The following C10orf67 variants were observed in gnomAD, a reference collection of about 807,000 sequenced individuals.
C10orf67 encodes the protein chromosome 10 open reading frame 67.
In C10orf67, 60 loss-of-function variants were observed where a neutral mutation model predicts 35.6. The observed-to-expected ratio is 1.68, with a 90% CI of 1.37 to 2.09. The LOEUF (loss-of-function observed/expected upper bound fraction) is 2.09. Among genes scored for constraint, C10orf67 ranks in the 30% most tolerant of loss-of-function variants. The probability of loss-of-function intolerance (pLI) is 0.00; values close to 1 mark genes in which losing one functional copy is unlikely to be tolerated. For missense variants in C10orf67, 474 were observed against 330.2 expected (o/e 1.44, Z -3.38); for synonymous variants, 167 against 115.8 (o/e 1.44, Z -2.84).
intron 10 of C10orf67, among the ~76,000 whole-genome samples, chr10:23,257,693 C>T (rs1842639390): frequency 6.6e-6 from 1 of 152,068 alleles, no homozygotes; most frequent in Non-Finnish European, 1.5e-5. Flanking sequence ...GTCTCAGCTG[C>T]TTGGGAGGCT....
intron 8 of C10orf67, among the ~76,000 whole-genome samples, chr10:23,268,323 G>T (rs557455482): frequency 4.7e-4 from 72 of 152,174 alleles, no homozygotes; most frequent in African/African-American, 1.7e-3. Context: ...TAATTTCTAG[G>T]TATAAAAGGT....
chr10:23,223,558 T>C, intron 15 of C10orf67, 40 bp downstream of exon 15: 1 of 716,880 alleles, frequency 1.4e-6, no homozygotes, highest in Non-Finnish European at 2.6e-6. Context: ...TAAGTAGCCA[T>C]TCTGGTGTGA....
intron 13 of C10orf67, among the ~76,000 whole-genome samples, chr10:23,227,235 C>G (rs2132114338): frequency 6.6e-6 from 1 of 152,150 alleles, no homozygotes; most frequent in East Asian, 1.9e-4. Flanking sequence ...AAAGCTTATC[C>G]AACATGATCA....
chr10:23,258,733 T>C (rs1375368033), intron 10 of C10orf67, among the ~76,000 whole-genome samples: 1 of 152,196 alleles, frequency 6.6e-6, no homozygotes, highest in East Asian at 1.9e-4. Context: ...TCGGACATGG[T>C]CTATTTTTCA....
chr10:23,273,407 A>C (rs927197496), intron 8 of C10orf67, among the ~76,000 whole-genome samples: 4 of 152,206 alleles, frequency 2.6e-5, no homozygotes, highest in Admixed American at 1.3e-4. Flanking sequence ...GGAGTCCCTC[A>C]AATGCTTTTT....
rs1469804434 is a variant in C10orf67 at position 23,288,147 on chromosome 10, T to C, written c.909+1753A>G. On this transcript the variant is annotated intron_variant, in intron 7 of 15. Transcript: ENST00000636213. ...TATACTCAAAGGAATGTAAATCATT[T>C]TACTATAAAGAGACATGCACACATA... Among the ~76,000 whole-genome samples the C allele has an allele frequency of 2.0e-5, 3 of 152,170 alleles. No homozygotes were observed. The East Asian group carries it at 5.8e-4, about 29-fold the overall frequency.
intron 7 of C10orf67, among the ~76,000 whole-genome samples, chr10:23,284,505 A>T (rs1429747843): frequency 6.6e-6 from 1 of 151,174 alleles, no homozygotes; most frequent in Admixed American, 6.6e-5. Flanking sequence ...CAACATAGTG[A>T]GAGACCATCT....
intron 2 of C10orf67, among the ~76,000 whole-genome samples, chr10:23,328,018 A>C (rs1026820451): frequency 6.6e-6 from 1 of 152,204 alleles, no homozygotes; most frequent in Non-Finnish European, 1.5e-5. Context: ...AAATTTAATA[A>C]CTTTCTTATT....
chr10:23,288,788 G>A (rs1432667461), intron 7 of C10orf67, among the ~76,000 whole-genome samples: 3 of 152,046 alleles, frequency 2.0e-5, no homozygotes, highest in Admixed American at 6.6e-5. Context: ...ATGGATACTC[G>A]GTTCAGTTAC....
intron 2 of C10orf67, among the ~76,000 whole-genome samples, chr10:23,326,701 T>A (rs886195501): frequency 6.6e-6 from 1 of 152,126 alleles, no homozygotes; most frequent in Admixed American, 6.5e-5. Flanking sequence ...ATACTCAGCA[T>A]AAAAGATGGG....
chr10:23,333,033 C>G, intron 2 of C10orf67, 29 bp downstream of exon 2: 1 of 1,600,298 alleles, frequency 6.2e-7, no homozygotes, highest in South Asian at 1.1e-5. Context: ...AAAATTATCT[C>G]AGAAGTTTCA....
intron 4 of C10orf67, among the ~76,000 whole-genome samples, chr10:23,316,278 G>T (rs1844708121): frequency 6.6e-6 from 1 of 152,220 alleles, no homozygotes; most frequent in Non-Finnish European, 1.5e-5. Flanking sequence ...CAAGGCTGCA[G>T]CTGGACCAGG....
intron 12 of C10orf67, among the ~76,000 whole-genome samples, chr10:23,245,803 A>C (rs1208518386): frequency 6.6e-6 from 1 of 152,194 alleles, no homozygotes; most frequent in African/African-American, 2.4e-5. Context: ...AGATTTCTCA[A>C]AGAACTTAAA....
intron 10 of C10orf67, among the ~76,000 whole-genome samples, chr10:23,261,131 G>A (rs117618645): frequency 0.012 from 1,879 of 152,196 alleles, 25 homozygotes; most frequent in Middle Eastern, 0.048. Context: ...ATGGTATTAG[G>A]TGTAGATAAC....
At chr10:23,278,658 G>A (rs1459308092) in intron 8 of C10orf67, among the ~76,000 whole-genome samples, 1 of 152,178 alleles carries the variant, frequency 6.6e-6, no homozygotes, top group Non-Finnish European at 1.5e-5. Flanking sequence ...GGGAAGTCAG[G>A]GTGGGAGAAG....
chr10:23,206,950 A>G (rs531511509), intron 15 of C10orf67, among the ~76,000 whole-genome samples: 240 of 152,350 alleles, frequency 1.6e-3, no homozygotes, highest in Non-Finnish European at 2.6e-3. Context: ...GTCATTGGAA[A>G]AAAAGCAGAA....
At chr10:23,205,888 T>C (rs1327917475) in intron 15 of C10orf67, among the ~76,000 whole-genome samples, 2 of 152,224 alleles carry the variant, frequency 1.3e-5, no homozygotes, top group African/African-American at 4.8e-5. Flanking sequence ...AAAAAAAGGA[T>C]GTAAATATCC....
chr10:23,207,828 T>C (rs908697267), intron 15 of C10orf67, among the ~76,000 whole-genome samples: 4 of 152,220 alleles, frequency 2.6e-5, no homozygotes, highest in Admixed American at 6.5e-5. Context: ...TTTCTGGACC[T>C]GAATAGAGAT....
In C10orf67 at chr10:23,289,882, C is replaced by A. The variant is rs926708017; in HGVS notation, c.909+18G>T. 9.8e-6 allele frequency: 7 copies of A among 714,966 alleles called. No homozygotes were observed. The highest frequency in any genetic ancestry group is 1.6e-5 in the Non-Finnish European group (6 of 384,070). The allele number at this position is 714,966 out of a possible 1,614,324, so 44.3% of individuals were successfully genotyped here. A position where few individuals can be genotyped will look rare whatever the true frequency, so the allele number is the denominator to read the frequency against. Reference sequence around the variant, plus strand: ...TCCATTTAAAAGAGTCATTTATCAACGTAAAACGTTATAGTACCTTTTGAA... The same window carrying A: ...TCCATTTAAAAGAGTCATTTATCAAAGTAAAACGTTATAGTACCTTTTGAA... On this transcript the variant is annotated intron_variant, in intron 7 of 15. Transcript: ENST00000636213.
Sources: gnomAD v4.1 joint callset for allele counts (sites outside exome capture counted in the v4.1 genomes callset) on GRCh38, gnomAD v4.1.1 for gene constraint, MANE v1.5 for transcripts, NCBI Gene and HGNC (gene_info 2026-07-23, HGNC 2026-07-21) for gene names.